The following DNAJA3 variants were observed in gnomAD, a reference collection of about 807,000 sequenced individuals.
The protein encoded by DNAJA3 is dnaJ homolog subfamily A member 3, mitochondrial.
In DNAJA3, 29 loss-of-function variants were observed where a neutral mutation model predicts 54.9. The observed-to-expected ratio is 0.53, with a 90% CI of 0.39 to 0.72. DNAJA3 has a LOEUF of 0.72. Among genes scored for constraint, DNAJA3 ranks in the 30% least tolerant of loss-of-function variants. The probability of loss-of-function intolerance (pLI) is 0.00; values close to 1 mark genes in which losing one functional copy is unlikely to be tolerated. For missense variants in DNAJA3, 708 were observed against 639.4 expected (o/e 1.11, Z -1.16); for synonymous variants, 302 against 251.4 (o/e 1.20, Z -1.90).
intron 7 of DNAJA3, 78 bp from the exon 8 acceptor site, chr16:4,446,808 G>C (rs1463054008): frequency 1.3e-6 from 2 of 1,568,324 alleles, no homozygotes; most frequent in African/African-American, 1.4e-5. Flanking sequence ...GTCTGAGCTT[G>C]GGCCTGGCCA....
chr16:4,445,598 T>G (rs921223069), intron 7 of DNAJA3, among the ~76,000 whole-genome samples: 1 of 152,216 alleles, frequency 6.6e-6, no homozygotes, highest in Admixed American at 6.5e-5. Flanking sequence ...TTGCCTAGGA[T>G]GAAATGCAGT....
Position 4,428,801 on chromosome 16 carries a change from C to T in DNAJA3, c.211+2709C>T, listed in dbSNP as rs538612165. ...GACTGTAATTCCAGCGCTATGCTGGCGCTGAGGCAGGAGGATCACATGAGC... is the reference window on the plus strand; with the variant it reads ...GACTGTAATTCCAGCGCTATGCTGGTGCTGAGGCAGGAGGATCACATGAGC... On this transcript the variant is annotated intron_variant, in intron 1 of 11. Transcript: ENST00000262375. Among the ~76,000 whole-genome samples the T allele has an allele frequency of 2.6e-5, 4 of 151,846 alleles. No homozygotes were observed. In the East Asian group the frequency reaches 7.7e-4, roughly 29 times the overall value.
intron 8 of DNAJA3, chr16:4,447,282 C>T (rs1245025206): frequency 6.8e-6 from 3 of 444,126 alleles, no homozygotes; most frequent in Non-Finnish European, 1.2e-5. Context: ...GCATTCAGGA[C>T]ACAGAAGGGT....
rs139517498 is a variant in DNAJA3, at chr16:4,449,027, C to T, written c.1241+179C>T. Among the ~76,000 whole-genome samples the T allele has an allele frequency of 2.7e-3, 411 of 152,258 alleles. 4 individuals are homozygous for T. Among genetic ancestry groups the T allele is most frequent in the African/African-American group, 9.5e-3 (393 of 41,544 alleles). On this transcript the variant is annotated intron_variant, in intron 9 of 11. Transcript: ENST00000262375. The stretch of plus-strand genomic sequence containing the variant: ...CTTCTTTTTTTTTGAGATGGAGTCT[C>T]GCTGTGTCCCCCAGGCTGGAGTGCA...
At chr16:4,426,718 C>T (rs951639822) in intron 1 of DNAJA3, among the ~76,000 whole-genome samples, 1 of 152,184 alleles carries the variant, frequency 6.6e-6, no homozygotes, top group Non-Finnish European at 1.5e-5. Flanking sequence ...TGAGCACTTA[C>T]TGTTGGCCAG....
chr16:4,455,676 AC>A lies in DNAJA3; in HGVS notation c.*145del. ...GCAGAGCCTCTGGACGGCCTTGGCA[AC>A]AGCAAAATCATGGGACAACACCTCT... is the stretch of plus-strand genomic sequence containing the variant. On this transcript the variant is annotated 3_prime_UTR_variant, in exon 12 of 12. Coordinates refer to ENST00000262375, the MANE Select transcript of DNAJA3 (RefSeq NM_005147.6). 1 of 1,307,374 alleles carries A rather than the reference AC, an allele frequency of 7.6e-7. No homozygotes were observed. The highest frequency in any genetic ancestry group is 1.1e-6 in the Non-Finnish European group (1 of 928,600). The allele number at this position is 1,307,374 out of a possible 1,614,324, so 81.0% of individuals were successfully genotyped here.
In DNAJA3 at chr16:4,450,451, G is replaced by A. The variant is rs1437413783; in HGVS notation, c.1293G>A (p.Glu431=). 6.2e-7 allele frequency: 1 copy of A among 1,612,564 alleles called. No homozygotes were observed. Among genetic ancestry groups the A allele is most frequent in the East Asian group, 2.2e-5 (1 of 44,848 alleles). ...QSLILSYAED[E]TDVEGTVNGV... ...TGATCCTGAGCTACGCCGAGGACGA[G>A]ACAGATGTGGAGGGGACGGTGAACG... The change falls in exon 10 of 12, where the codon GAG becomes GAA. Residue 431 remains glutamate, a synonymous_variant. Transcript: ENST00000262375.
At chr16:4,455,124 T>G (rs1418113888) in intron 11 of DNAJA3, among the ~76,000 whole-genome samples, 197 bp downstream of exon 11, 1 of 152,182 alleles carries the variant, frequency 6.6e-6, no homozygotes, top group African/African-American at 2.4e-5. Flanking sequence ...CAGCCTGTAG[T>G]GCAGGACTGG....
chr16:4,435,762 A>G (rs1375990281), intron 2 of DNAJA3, among the ~76,000 whole-genome samples: 3 of 152,216 alleles, frequency 2.0e-5, no homozygotes, highest in Non-Finnish European at 2.9e-5. Context: ...ACTTTTTGCT[A>G]TCATGAACAG....
At chr16:4,451,654 C>T (rs6500604) in intron 10 of DNAJA3, among the ~76,000 whole-genome samples, 86,885 of 149,184 alleles carry the variant, frequency 0.58, 26,848 homozygotes, top group Non-Finnish European at 0.69. Context: ...CTACTCAGGA[C>T]GCTGAGGCAG....
At chr16:4,442,209 G>A (rs2056844102) in intron 4 of DNAJA3, 59 bp from the exon 5 acceptor site, 9 of 1,504,282 alleles carry the variant, frequency 6.0e-6, no homozygotes, top group Middle Eastern at 1.8e-4. Context: ...CTTTAGAGCC[G>A]AGCGTCAGTT....
At chr16:4,435,035 T>C (rs915627597) in intron 2 of DNAJA3, among the ~76,000 whole-genome samples, 10 of 151,914 alleles carry the variant, frequency 6.6e-5, no homozygotes, top group Non-Finnish European at 1.3e-4. Context: ...TAGCTGGGAC[T>C]ATAGGCACCT....
intron 1 of DNAJA3, 76 bp downstream of exon 1, chr16:4,426,168 C>T: frequency 7.1e-7 from 1 of 1,399,772 alleles, no homozygotes; most frequent in Non-Finnish European, 9.4e-7. Flanking sequence ...GTGACTACGG[C>T]TGCAGGGGTA....
chr16:4,434,886 CTTTTTTTTTTTT>C (rs202179531), intron 2 of DNAJA3, among the ~76,000 whole-genome samples: 81 of 100,160 alleles, frequency 8.1e-4, no homozygotes, highest in South Asian at 1.6e-3. Context: ...CCTTTCCTTT[CTTTTTTTTTTTT>C]TTTTTTTTTT....
Position 4,434,184 on chromosome 16 carries a change from A to G in DNAJA3, c.212-200A>G, listed in dbSNP as rs895998740. ...ATGGAGGTAACCGCTCCTGTGATTCAGTTACCTCCCATCAGGTCCCTCCCA... is the reference window on the plus strand; with the variant it reads ...ATGGAGGTAACCGCTCCTGTGATTCGGTTACCTCCCATCAGGTCCCTCCCA... On this transcript the variant is annotated intron_variant, in intron 1 of 11. Coordinates refer to ENST00000262375, the MANE Select transcript of DNAJA3 (RefSeq NM_005147.6). 2.1e-4 allele frequency: 122 copies of G among 570,088 alleles called. No individual in the cohort carries two copies. In the African/African-American group the frequency reaches 2.2e-3, roughly 10 times the overall value. 35.3% of individuals were successfully genotyped at this position (570,088 alleles called of 1,614,324 possible).
rs762610462 is a variant in DNAJA3, at chr16:4,426,100, C to T, written c.211+8C>T. 4.5e-6 allele frequency: 7 copies of T among 1,554,886 alleles called. No homozygotes were observed. The highest frequency in any genetic ancestry group is 3.6e-5 in the South Asian group (3 of 84,070). On this transcript the variant is annotated splice_region_variant and intron_variant, in intron 1 of 11. Transcript: ENST00000262375. The stretch of plus-strand genomic sequence containing the variant: ...CTGGTGTCAGCCTTACAGGTGAGGG[C>T]AGGTTCCAACTTCCGAGTGGCGGTT...
At chr16:4,454,179 G>A (rs905393498) in intron 10 of DNAJA3, among the ~76,000 whole-genome samples, 4 of 152,210 alleles carry the variant, frequency 2.6e-5, no homozygotes, top group African/African-American at 7.2e-5. Flanking sequence ...AGGATTGTGC[G>A]TGGCCGTGAC....
At chr16:4,429,765 C>T (rs370868836) in intron 1 of DNAJA3, among the ~76,000 whole-genome samples, 4 of 151,954 alleles carry the variant, frequency 2.6e-5, no homozygotes, top group East Asian at 1.9e-4. Flanking sequence ...ACGTGAAAGT[C>T]GGAGGTTGCC....
In DNAJA3 at chr16:4,441,498, C is replaced by G. The variant is rs760392318; in HGVS notation, c.553C>G (p.Leu185Val). ...AGGCCCCACTGTGGACCCCGAGGAG[C>G]TGTTCAGGAAGATCTTTGGCGAGTT... ...KGGPTVDPEE[L>V]FRKIFGEFSS... The change falls in exon 4 of 12, where the codon CTG becomes GTG. Residue 185 changes from leucine to valine, a missense_variant. Coordinates refer to ENST00000262375, the MANE Select transcript of DNAJA3 (RefSeq NM_005147.6). 2 of 1,614,118 alleles carry G rather than the reference C, an allele frequency of 1.2e-6. No homozygotes were observed. Among genetic ancestry groups the G allele is most frequent in the African/African-American group, 2.7e-5 (2 of 74,942 alleles).
Sources: allele counts gnomAD v4.1 joint callset (sites outside exome capture counted in the v4.1 genomes callset), GRCh38; gene constraint gnomAD v4.1.1; transcripts MANE v1.5; gene names NCBI Gene and HGNC (gene_info 2026-07-23, HGNC 2026-07-21).